Variants in MACROD1 observed in about 807,000 individuals in gnomAD.
MACROD1 encodes ADP-ribose glycohydrolase MACROD1.
Under a neutral mutation model 41.4 loss-of-function variants are expected in MACROD1, and 31 were observed. The ratio of observed to expected loss-of-function variants is 0.75; its 90% CI spans 0.56 to 1.01. MACROD1 has a LOEUF of 1.01. Ranked by LOEUF, MACROD1 falls within the 50% of genes least tolerant of loss-of-function variation. MACROD1 has a pLI of 0.00. For synonymous variants in MACROD1, 252 were observed against 203.4 expected (o/e 1.24, Z -2.03); for missense variants, 473 against 460.0 (o/e 1.03, Z -0.26).
chr11:64,066,492 G>A (rs1262919717), intron 3 of MACROD1, among the ~76,000 whole-genome samples: 4 of 150,554 alleles, frequency 2.7e-5, no homozygotes, highest in Admixed American at 6.6e-5. Context: ...GGTGGCATGC[G>A]CCTGTAGTCC....
intron 3 of MACROD1, among the ~76,000 whole-genome samples, chr11:64,065,835 C>G (rs1943995381): frequency 6.6e-6 from 1 of 151,330 alleles, no homozygotes; most frequent in Non-Finnish European, 1.5e-5. Context: ...CTCCCCCTCT[C>G]TCCATGCACA....
intron 3 of MACROD1, among the ~76,000 whole-genome samples, chr11:64,135,471 C>T (rs1053306742): frequency 6.6e-6 from 1 of 152,246 alleles, no homozygotes; most frequent in East Asian, 1.9e-4. Flanking sequence ...GAGCCCTTGC[C>T]GCTTGCCCTC....
rs1945495808 is a variant in MACROD1, at chr11:64,146,384, T to C, written c.517+4855A>G. On this transcript the variant is annotated intron_variant, in intron 3 of 10. Coordinates refer to ENST00000255681, the MANE Select transcript of MACROD1 (RefSeq NM_014067.4). The surrounding 1 kb of genome is among the most constrained non-coding windows in gnomAD (Gnocchi z 4.7). ...GAAGAGGGGGCCTGCGGGGGCTCCCTGGCTTATCTCCTGCACATGGCAGCC... is the reference window on the plus strand; with the variant it reads ...GAAGAGGGGGCCTGCGGGGGCTCCCCGGCTTATCTCCTGCACATGGCAGCC... 6.6e-6 allele frequency among the ~76,000 whole-genome samples: 1 copy of C among 152,190 alleles called. No individual in the cohort carries two copies. Among genetic ancestry groups the C allele is most frequent in the South Asian group, 2.1e-4 (1 of 4,824 alleles).
At chr11:64,128,659 C>T (rs1945221834) in intron 3 of MACROD1, among the ~76,000 whole-genome samples, 1 of 151,842 alleles carries the variant, frequency 6.6e-6, no homozygotes, top group African/African-American at 2.4e-5. Flanking sequence ...AGTGCAGCCC[C>T]ACCCTCTGCC....
intron 3 of MACROD1, among the ~76,000 whole-genome samples, chr11:64,029,520 G>A (rs1943266422): frequency 6.6e-6 from 1 of 152,080 alleles, no homozygotes; most frequent in African/African-American, 2.4e-5. Context: ...CGCTCCCAAT[G>A]GCATCCCCTT....
chr11:64,000,294 G>C lies in MACROD1; in HGVS notation c.597C>G (p.Cys199Trp). The change falls in exon 5 of 11, where the codon TGC becomes TGG. Residue 199 changes from cysteine (C) to tryptophan (W), a missense_variant. Coordinates refer to ENST00000255681, the MANE Select transcript of MACROD1 (RefSeq NM_014067.4). ...CAGTCTTACAGCTCTGCAGGGTCCGGCACTCGTCGGTAAGCAGGGGGCCGG... is the reference window on the plus strand; with the variant it reads ...CAGTCTTACAGCTCTGCAGGGTCCGCCACTCGTCGGTAAGCAGGGGGCCGG... The part of the protein sequence containing the change: ...RAAGPLLTDE[C>W]RTLQSCKTGK... The C allele has an allele frequency of 6.3e-7, 1 of 1,598,794 alleles. No individual in the cohort carries two copies. The highest frequency in any genetic ancestry group is 8.5e-7 in the Non-Finnish European group (1 of 1,173,392).
intron 3 of MACROD1, among the ~76,000 whole-genome samples, chr11:64,107,170 C>G (rs553105052): frequency 6.6e-6 from 1 of 152,340 alleles, no homozygotes; most frequent in African/African-American, 2.4e-5. Context: ...AATGAGCCAA[C>G]TTGCCCAGCC....
intron 3 of MACROD1, among the ~76,000 whole-genome samples, chr11:64,048,818 C>T (rs1367060480): frequency 6.6e-6 from 1 of 152,204 alleles, no homozygotes; most frequent in East Asian, 1.9e-4. Flanking sequence ...GGGCTGCTAT[C>T]CCCACCAAGC....
intron 3 of MACROD1, among the ~76,000 whole-genome samples, chr11:64,025,402 C>T (rs775321841): frequency 5.3e-5 from 8 of 152,180 alleles, no homozygotes; most frequent in Admixed American, 3.3e-4. Flanking sequence ...CCTACATAGG[C>T]GGCTCCTCAG....
chr11:64,059,796 A>G (rs944492522), intron 3 of MACROD1, among the ~76,000 whole-genome samples: 2 of 152,004 alleles, frequency 1.3e-5, no homozygotes, highest in East Asian at 3.9e-4. Context: ...TCAGTTAATC[A>G]TTTTGGGTCT....
intron 3 of MACROD1, among the ~76,000 whole-genome samples, chr11:64,025,098 C>A (rs1039016572): frequency 2.0e-5 from 3 of 152,164 alleles, no homozygotes; most frequent in Admixed American, 6.5e-5. Context: ...CAGGCCTCAG[C>A]CTCCTGAGTA....
At chr11:64,162,879 G>A (rs945663989) in intron 1 of MACROD1, among the ~76,000 whole-genome samples, 3 of 151,802 alleles carry the variant, frequency 2.0e-5, no homozygotes, top group Non-Finnish European at 2.9e-5. Context: ...CCAGCACTCC[G>A]GGAGGCCGAG....
intron 3 of MACROD1, among the ~76,000 whole-genome samples, chr11:64,033,998 A>G (rs1243350758): frequency 1.3e-5 from 2 of 152,194 alleles, no homozygotes; most frequent in East Asian, 1.9e-4. Context: ...TAAGTGTGAC[A>G]TGTCAAACAG....
In MACROD1 at chr11:63,999,335, T is replaced by G; in HGVS notation, c.887A>C (p.Asp296Ala). Residue 296 changes from aspartate (D) to alanine (A), a missense_variant, in exon 8 of 11, where the codon GAC becomes GCC. Coordinates refer to ENST00000255681, the MANE Select transcript of MACROD1 (RefSeq NM_014067.4). Reference sequence around the variant, plus strand: ...TCGCCCGGGCCCAGGACTCACCTTGTCCTTGTGCTGCTCCAGCCACTCTCG... The same window carrying G: ...TCGCCCGGGCCCAGGACTCACCTTGGCCTTGTGCTGCTCCAGCCACTCTCG... ...TLREWLEQHK[D>A]KVDRLIICVF... 3 of 1,566,546 alleles carry G rather than the reference T, an allele frequency of 1.9e-6. 1 individual carries two copies. Among genetic ancestry groups the G allele is most frequent in the South Asian group, 2.3e-5 (2 of 86,628 alleles).
chr11:64,094,322 C>T (rs1944539697), intron 3 of MACROD1, among the ~76,000 whole-genome samples: 1 of 152,038 alleles, frequency 6.6e-6, no homozygotes, highest in Non-Finnish European at 1.5e-5. Flanking sequence ...ATCCCAGCTA[C>T]TCAGGAGGCT....
chr11:64,100,249 C>A (rs1164552970), intron 3 of MACROD1, among the ~76,000 whole-genome samples: 2 of 152,160 alleles, frequency 1.3e-5, no homozygotes, highest in Non-Finnish European at 2.9e-5. Flanking sequence ...TCGGCCAAAA[C>A]GCAGAGGGTG....
At chr11:63,999,987 C>T in intron 5 of MACROD1, 1 of 657,430 alleles carries the variant, frequency 1.5e-6, no homozygotes, top group African/African-American at 1.8e-5. Flanking sequence ...CGGCTGAGAC[C>T]CGAGCGCGAG....
At chr11:64,035,459 G>A (rs1466033078) in intron 3 of MACROD1, among the ~76,000 whole-genome samples, 2 of 152,038 alleles carry the variant, frequency 1.3e-5, no homozygotes, top group Non-Finnish European at 2.9e-5. Flanking sequence ...GGAGAGGAGG[G>A]TGCTGGGGAG....
At chr11:64,154,244 G>A (rs943297416) in intron 1 of MACROD1, among the ~76,000 whole-genome samples, 3 of 152,060 alleles carry the variant, frequency 2.0e-5, no homozygotes, top group Admixed American at 2.0e-4. Flanking sequence ...GCCCAGGCAT[G>A]CAAAACAGAA....
Sources: allele counts gnomAD v4.1 joint callset (sites outside exome capture counted in the v4.1 genomes callset), GRCh38; gene constraint gnomAD v4.1.1; non-coding constraint Gnocchi (gnomAD v3.1); transcripts MANE v1.5; gene names NCBI Gene and HGNC (gene_info 2026-07-23, HGNC 2026-07-21).